The following EZR variants were observed in gnomAD, a reference collection of about 807,000 sequenced individuals.
EZR encodes the protein ezrin, also known as cytovillin 2.
A neutral mutation model predicts 74.8 loss-of-function variants in EZR; 40 were observed. That is an observed-to-expected ratio of 0.53 (90% CI 0.42 to 0.70). EZR has a LOEUF of 0.70. Among genes scored for constraint, EZR ranks in the 30% least tolerant of loss-of-function variants. The pLI, the probability that EZR is intolerant of heterozygous loss-of-function variation, is 0.00. For missense variants in EZR, 678 were observed against 755.8 expected, an observed-to-expected ratio of 0.90 and a Z score of 1.21; for synonymous variants, 341 against 283.3, an observed-to-expected ratio of 1.20 and a Z score of -2.05.
chr6:158,778,628 G>C (rs1791346129), intron 7 of EZR, among the ~76,000 whole-genome samples: 1 of 152,220 alleles, frequency 6.6e-6, no homozygotes, highest in African/African-American at 2.4e-5. Flanking sequence ...TCCAATAACA[G>C]GGACCAGACA....
intron 2 of EZR, among the ~76,000 whole-genome samples, chr6:158,815,052 AGT>A (rs1339771855): frequency 1.3e-5 from 2 of 152,340 alleles, no homozygotes; most frequent in South Asian, 2.1e-4. Flanking sequence ...CCATCCTTTA[AGT>A]GTGTTTGCCC....
At chr6:158,802,679 G>C (rs886707265) in intron 2 of EZR, among the ~76,000 whole-genome samples, 1 of 152,106 alleles carries the variant, frequency 6.6e-6, no homozygotes, top group Non-Finnish European at 1.5e-5. Context: ...TTATAGGCAT[G>C]TGCCACCACG....
intron 6 of EZR, among the ~76,000 whole-genome samples, chr6:158,784,219 C>G (rs576220202): frequency 6.6e-6 from 1 of 152,200 alleles, no homozygotes; most frequent in African/African-American, 2.4e-5. Flanking sequence ...AACAGCCCCA[C>G]GTCCAGGTTC....
chr6:158,813,970 G>A (rs998144408), intron 2 of EZR, among the ~76,000 whole-genome samples: 1 of 152,144 alleles, frequency 6.6e-6, no homozygotes, highest in Non-Finnish European at 1.5e-5. Flanking sequence ...GCAGAAGAAA[G>A]CAAGTGTGGG....
chr6:158,799,949 CTG>C (rs1350787306), intron 2 of EZR, among the ~76,000 whole-genome samples: 2 of 152,194 alleles, frequency 1.3e-5, no homozygotes, highest in African/African-American at 4.8e-5. Flanking sequence ...CAGTAACAGA[CTG>C]TTTTATATAC....
intron 2 of EZR, among the ~76,000 whole-genome samples, chr6:158,803,956 G>C (rs181355124): frequency 1.4e-4 from 22 of 152,144 alleles, no homozygotes; most frequent in Non-Finnish European, 2.5e-4. Context: ...GTTGGGAAGA[G>C]TTCTGTGCTA....
At chr6:158,770,957 A>T in intron 9 of EZR, 63 bp from the exon 10 acceptor site, 1 of 1,608,330 alleles carries the variant, frequency 6.2e-7, no homozygotes, top group Non-Finnish European at 8.5e-7. Flanking sequence ...AGGGGTCAAC[A>T]CACTTCACGG....
chr6:158,794,148 G>C (rs373710210), intron 2 of EZR, among the ~76,000 whole-genome samples: 1 of 152,182 alleles, frequency 6.6e-6, no homozygotes, highest in Admixed American at 6.5e-5. Flanking sequence ...GTGGTACCAC[G>C]TGCCCATACA....
chr6:158,787,088 A>G lies in EZR; in HGVS notation c.192+20T>C. 6.2e-7 allele frequency: 1 copy of G among 1,601,330 alleles called. No homozygotes were observed. The highest frequency in any genetic ancestry group is 8.6e-7 in the Non-Finnish European group (1 of 1,168,646). On this transcript the variant is annotated intron_variant, in intron 4 of 13. Transcript: ENST00000367075. ...ACCAACACCCAATCCACAGCCTGTA[A>G]ATAGTTAATCCTGACTTGCCTTCTT...
intron 11 of EZR, 39 bp from the exon 12 acceptor site, chr6:158,769,457 C>A (rs747120907): frequency 9.5e-6 from 15 of 1,583,500 alleles, no homozygotes; most frequent in Middle Eastern, 3.3e-4. Context: ...GTTCTGATAT[C>A]CTTTCAACGG....
chr6:158,811,989 C>A (rs2128577068), intron 2 of EZR, among the ~76,000 whole-genome samples: 1 of 152,242 alleles, frequency 6.6e-6, no homozygotes, highest in South Asian at 2.1e-4. Flanking sequence ...GAAGGTCTAG[C>A]CTCTTTTTTT....
intron 12 of EZR, among the ~76,000 whole-genome samples, chr6:158,768,762 A>T (rs1298778050): frequency 6.6e-6 from 1 of 152,092 alleles, no homozygotes; most frequent in Non-Finnish European, 1.5e-5. Flanking sequence ...GAGCAACCTT[A>T]TGAGTTGGGT....
In EZR at chr6:158,784,100, TCAAA is replaced by T. The variant is rs549500958; in HGVS notation, c.552-438_552-435del. Among the ~76,000 whole-genome samples, 430 of 152,230 alleles carry T rather than the reference TCAAA, an allele frequency of 2.8e-3. 2 individuals carry two copies. Among genetic ancestry groups the T allele is most frequent in the African/African-American group, 9.9e-3 (411 of 41,538 alleles). ...AAGCACAAAATCTGAGGCTCAAACC[TCAAA>T]CAAACTTCAGAGGCTGAAATAATGC... On this transcript the variant is annotated intron_variant, in intron 6 of 13. Coordinates refer to ENST00000367075, the MANE Select transcript of EZR (RefSeq NM_001111077.2).
chr6:158,771,516 G>C (rs978365883), intron 8 of EZR, 109 bp from the exon 9 acceptor site: 16 of 1,185,220 alleles, frequency 1.3e-5, no homozygotes, highest in Middle Eastern at 2.0e-4. Context: ...AAATGTAGCA[G>C]AACAGGGATG....
At chr6:158,768,597 T>C (rs1040697964) in intron 12 of EZR, among the ~76,000 whole-genome samples, 1 of 152,096 alleles carries the variant, frequency 6.6e-6, no homozygotes, top group African/African-American at 2.4e-5. Flanking sequence ...CAGTCTCCAG[T>C]GGGAACCATC....
chr6:158,771,668 C>T (rs962110019), intron 8 of EZR, among the ~76,000 whole-genome samples: 3 of 152,166 alleles, frequency 2.0e-5, no homozygotes, highest in African/African-American at 4.8e-5. Flanking sequence ...GCAGGTGCCG[C>T]GTGTGTGTGC....
chr6:158,818,792 C>A (rs1213697532), intron 1 of EZR, among the ~76,000 whole-genome samples: 1 of 138,990 alleles, frequency 7.2e-6, no homozygotes, highest in Non-Finnish European at 1.5e-5. Flanking sequence ...GGACAGCCAG[C>A]GCGAGCCCGC....
chr6:158,782,926 A>C (rs1399040882), intron 7 of EZR, among the ~76,000 whole-genome samples: 1 of 152,194 alleles, frequency 6.6e-6, no homozygotes, highest in Non-Finnish European at 1.5e-5. Context: ...TGTATGTGAA[A>C]GCGGAACTGC....
intron 4 of EZR, among the ~76,000 whole-genome samples, chr6:158,786,311 T>C (rs1215562457): frequency 6.9e-6 from 1 of 144,822 alleles, no homozygotes; most frequent in Non-Finnish European, 1.5e-5. Flanking sequence ...GAGGTGGAGG[T>C]TGCAGTGAGC....
Sources: gnomAD v4.1 joint callset for allele counts (sites outside exome capture counted in the v4.1 genomes callset) on GRCh38, gnomAD v4.1.1 for gene constraint, MANE v1.5 for transcripts, NCBI Gene and HGNC (gene_info 2026-07-23, HGNC 2026-07-21) for gene names.